Variants in MYL6B observed in about 807,000 individuals in gnomAD.
MYL6B encodes myosin light chain 6B.
In MYL6B, 19 loss-of-function variants were observed where a neutral mutation model predicts 24.5. That is an observed-to-expected ratio of 0.78 (90% CI 0.54 to 1.14). MYL6B has a LOEUF of 1.14. Ranked by LOEUF, MYL6B falls within the 50% of genes most tolerant of loss-of-function variation. The pLI, the probability that MYL6B is intolerant of heterozygous loss-of-function variation, is 0.00. For synonymous variants in MYL6B, 90 were observed against 100.7 expected (o/e 0.89, Z 0.64); for missense variants, 230 against 263.8 (o/e 0.87, Z 0.89).
intron 2 of MYL6B, 45 bp from the exon 3 acceptor site, chr12:56,154,768 T>G (rs753258055): frequency 6.9e-6 from 11 of 1,595,742 alleles, no homozygotes; most frequent in Non-Finnish European, 9.4e-6. Flanking sequence ...GGGAGAGGGA[T>G]TGAATAAACT....
Position 56,157,660 on chromosome 12 carries a change from C to G in MYL6B, c.599-38C>G. On this transcript the variant is annotated intron_variant, in intron 6 of 6. Coordinates refer to ENST00000553066, the Ensembl canonical transcript of MYL6B. ...TAGAGTCAGATGTATTATCCAAAGG[C>G]CTGCTTCTGAAGCCCCTCTTGCCTC... 3 of 1,613,378 alleles carry G rather than the reference C, an allele frequency of 1.9e-6. No homozygotes were observed. In the South Asian group the frequency reaches 3.3e-5, roughly 18 times the overall value.
At chr12:56,154,213 C>T in intron 2 of MYL6B, 121 bp downstream of exon 2, 1 of 1,049,306 alleles carries the variant, frequency 9.5e-7, no homozygotes, top group Non-Finnish European at 1.4e-6. Context: ...GAGATTGGGG[C>T]TTTCCCTTAG....
rs938747803 is a variant in MYL6B at position 56,155,328 on chromosome 12, C to A, written c.347-91C>A. 5.7e-6 allele frequency: 9 copies of A among 1,587,450 alleles called. No individual in the cohort carries two copies. The African/African-American group carries it at 1.2e-4, about 21-fold the overall frequency. On this transcript the variant is annotated intron_variant, in intron 4 of 6. Transcript: ENST00000553066. ...CAGAAGCAGGAAAATATCCTAAATG[C>A]TGAATAGGATGAAAGCATTGTGGTA...
intron 5 of MYL6B, 168 bp from the exon 6 acceptor site, chr12:56,157,300 C>T (rs1871360182): frequency 4.9e-6 from 3 of 613,174 alleles, no homozygotes; most frequent in East Asian, 5.8e-5. Context: ...AGGAGAATCG[C>T]GTGAACACGG....
rs753036577 is a variant in MYL6B, at chr12:56,155,459, C to T, written c.387C>T (p.Pro129=). Residue 129 remains proline, a synonymous_variant, in exon 5 of 7, where the codon CCC becomes CCT. Coordinates refer to ENST00000553066, the Ensembl canonical transcript of MYL6B. ...GTGTGGACTTTGAGACTTTCCTGCC[C>T]ATGCTCCAGGCAGTGGCCAAGAACC... is the stretch of plus-strand genomic sequence containing the variant. The T allele has an allele frequency of 3.1e-6, 5 of 1,614,048 alleles. No individual in the cohort carries two copies. The African/African-American group carries it at 5.3e-5, about 17-fold the overall frequency.
At chr12:56,152,689 AGTGTGTGTGT>A (rs3070174) in intron 1 of MYL6B, 58 bp downstream of exon 1, 3 of 149,620 alleles carry the variant, frequency 2.0e-5, no homozygotes, top group African/African-American at 7.4e-5. Flanking sequence ...GGGGTGCGTG[AGTGTGTGTGT>A]GTGTGTGTGT....
exon 5 of MYL6B, chr12:56,155,562 G>A: frequency 6.2e-7 from 1 of 1,613,764 alleles, no homozygotes; most frequent in African/African-American, 1.3e-5. Context: ...AGTCATGGGA[G>A]CAGAGCTCAG....
intron 1 of MYL6B, chr12:56,153,473 T>C: frequency 1.0e-6 from 1 of 986,644 alleles, no homozygotes; most frequent in Non-Finnish European, 1.2e-6. Flanking sequence ...GACCACACTT[T>C]AACTTGTTCC....
chr12:56,157,389 C>CA (rs895078479), intron 5 of MYL6B, 79 bp from the exon 6 acceptor site: 66,516 of 967,638 alleles, frequency 0.069, 2 homozygotes, highest in Non-Finnish European at 0.074. Flanking sequence ...AACTCCGTCT[C>CA]AAAAAAAAAA....
intron 1 of MYL6B, 144 bp from the exon 2 acceptor site, chr12:56,153,729 G>A (rs1316110488): frequency 1.8e-6 from 1 of 571,392 alleles, no homozygotes; most frequent in Non-Finnish European, 3.0e-6. Flanking sequence ...AAGACCTTGG[G>A]GCAGGAGTCC....
chr12:56,155,065 G>A (rs190858615), exon 4 of MYL6B: 1 of 1,611,626 alleles, frequency 6.2e-7, no homozygotes, highest in Non-Finnish European at 8.5e-7. Flanking sequence ...AGTTCAAGGA[G>A]GCCTTCGAGC....
At chr12:56,153,764 G>A in intron 1 of MYL6B, 109 bp from the exon 2 acceptor site, 2 of 738,912 alleles carry the variant, frequency 2.7e-6, no homozygotes, top group Non-Finnish European at 4.3e-6. Flanking sequence ...CCAGGGGAGT[G>A]AGGGCAGGCG....
At chr12:56,157,626 T>G (rs1871384612) in intron 6 of MYL6B, 72 bp from the exon 7 acceptor site, 2 of 1,613,088 alleles carry the variant, frequency 1.2e-6, no homozygotes. Context: ...GGGGCACCCC[T>G]GGATTACCTA....
Position 56,154,846 on chromosome 12 carries a change from G to A in MYL6B, c.202+6G>A. On this transcript the variant is annotated splice_donor_region_variant and intron_variant, in intron 3 of 6. Coordinates refer to ENST00000553066, the Ensembl canonical transcript of MYL6B. ...TAACAAGGACCAGCTGGAGGGTGAG[G>A]AGAAGCTCATCTAAGGCCACTGTCC... The A allele has an allele frequency of 6.2e-7, 1 of 1,612,324 alleles. No individual in the cohort carries two copies. Among genetic ancestry groups the A allele is most frequent in the Non-Finnish European group, 8.5e-7 (1 of 1,179,174 alleles).
chr12:56,155,472 G>A, exon 5 of MYL6B: 11 of 1,614,162 alleles, frequency 6.8e-6, no homozygotes, highest in Non-Finnish European at 9.3e-6. Context: ...GCTCCAGGCA[G>A]TGGCCAAGAA....
chr12:56,153,421 G>C, intron 1 of MYL6B: 1 of 985,758 alleles, frequency 1.0e-6, no homozygotes, highest in Non-Finnish European at 1.2e-6. Context: ...AGGGAGTGGA[G>C]GGGCTGGGCA....
At chr12:56,155,297 C>A in intron 4 of MYL6B, 99 bp downstream of exon 4, 1 of 1,561,384 alleles carries the variant, frequency 6.4e-7, no homozygotes. Context: ...CAAAAACTGT[C>A]AAACACAGAA....
At chr12:56,156,528 C>A (rs1458862623) in intron 5 of MYL6B, among the ~76,000 whole-genome samples, 1 of 151,398 alleles carries the variant, frequency 6.6e-6, no homozygotes, top group Non-Finnish European at 1.5e-5. Flanking sequence ...TCGCTTTAAC[C>A]CGGGAGGTGG....
intron 3 of MYL6B, 85 bp from the exon 4 acceptor site, chr12:56,154,970 T>G (rs2136904205): frequency 6.4e-7 from 1 of 1,559,608 alleles, no homozygotes; most frequent in South Asian, 1.2e-5. Flanking sequence ...CCTTGTTCTG[T>G]TCACATAGTT....
Sources: allele counts gnomAD v4.1 joint callset (sites outside exome capture counted in the v4.1 genomes callset), GRCh38; gene constraint gnomAD v4.1.1; transcripts MANE v1.5; gene names NCBI Gene and HGNC (gene_info 2026-07-23, HGNC 2026-07-21).